The following FOXN3 variants were observed in gnomAD, a reference collection of about 807,000 sequenced individuals.
The protein encoded by FOXN3 is forkhead box protein N3.
Under a neutral mutation model 38.4 loss-of-function variants are expected in FOXN3, and 7 were observed. The ratio of observed to expected loss-of-function variants is 0.18; its 90% CI spans 0.10 to 0.34. The LOEUF is 0.34. Ranked by LOEUF, FOXN3 falls within the 10% of genes least tolerant of loss-of-function variation. The pLI, the probability that FOXN3 is intolerant of heterozygous loss-of-function variation, is 1.00. For missense variants in FOXN3, 456 were observed against 613.4 expected (o/e 0.74, Z 2.71); for synonymous variants, 230 against 242.2 (o/e 0.95, Z 0.47).
intron 3 of FOXN3, among the ~76,000 whole-genome samples, chr14:89,311,219 G>A (rs1887535927): frequency 1.3e-5 from 2 of 151,818 alleles, no homozygotes; most frequent in Admixed American, 1.3e-4. Context: ...GGCCGGTGCG[G>A]TGGCTCATAC....
chr14:89,226,107 TG>T (rs1299420652), intron 4 of FOXN3, among the ~76,000 whole-genome samples: 1 of 73,848 alleles, frequency 1.4e-5, no homozygotes, highest in Non-Finnish European at 2.5e-5. Context: ...TCCCAAGTGA[TG>T]GGGGCGGGGG....
chr14:89,329,077 A>G (rs375686019), intron 3 of FOXN3, among the ~76,000 whole-genome samples: 1 of 152,110 alleles, frequency 6.6e-6, no homozygotes. Context: ...AGTAGATGAT[A>G]TAAGAGAGGC....
chr14:89,495,980 T>C (rs889151094), intron 1 of FOXN3, among the ~76,000 whole-genome samples: 19 of 152,184 alleles, frequency 1.2e-4, no homozygotes, highest in African/African-American at 4.6e-4. Context: ...TTTAGGAGGC[T>C]GAAGCGGGTG....
chr14:89,180,399 T>C (rs535111280), intron 5 of FOXN3, among the ~76,000 whole-genome samples: 59 of 152,272 alleles, frequency 3.9e-4, no homozygotes, highest in African/African-American at 1.2e-3. Context: ...ATCCAATTAA[T>C]ATCCTGCCTT....
In FOXN3 at chr14:89,350,757, G is replaced by C. The variant is rs753743365; in HGVS notation, c.595C>G (p.Leu199Val). ...WCIDPEYRQN[L>V]IQALKKTPYH... ...GGTGTCTTTTTCAAAGCCTGAATTA[G>C]ATTTTGTCTATACTCTGGGTCTATG... is the stretch of plus-strand genomic sequence containing the variant. The change falls in exon 3 of 6, where the codon CTA (leucine) becomes GTA (valine). Residue 199 changes from leucine to valine, a missense_variant. Transcript: ENST00000557258. The C allele has an allele frequency of 1.9e-6, 3 of 1,604,742 alleles. No individual in the cohort carries two copies. The Admixed American group carries it at 5.2e-5, about 28-fold the overall frequency.
At chr14:89,238,539 C>T (rs1239472640) in intron 4 of FOXN3, among the ~76,000 whole-genome samples, 8 of 152,150 alleles carry the variant, frequency 5.3e-5, no homozygotes, top group African/African-American at 1.7e-4. Flanking sequence ...CGGCAGCCTA[C>T]GGGACACACA....
At chr14:89,296,813 C>A (rs142658803) in intron 3 of FOXN3, among the ~76,000 whole-genome samples, 1 of 152,046 alleles carries the variant, frequency 6.6e-6, no homozygotes, top group Non-Finnish European at 1.5e-5. Context: ...TTTTTGTATT[C>A]TTTAGTAGAG....
At chr14:89,560,144 G>A (rs935812570) in intron 1 of FOXN3, among the ~76,000 whole-genome samples, 1 of 152,144 alleles carries the variant, frequency 6.6e-6, no homozygotes, top group Admixed American at 6.5e-5. Flanking sequence ...AGAGAGAGAA[G>A]GGGGGAGTGC....
At chr14:89,434,488 T>G (rs1173493671) in intron 1 of FOXN3, among the ~76,000 whole-genome samples, 1 of 151,808 alleles carries the variant, frequency 6.6e-6, no homozygotes, top group Non-Finnish European at 1.5e-5. Context: ...CCTCGGACTC[T>G]CAAAGTGCTG....
intron 1 of FOXN3, among the ~76,000 whole-genome samples, chr14:89,597,062 T>G (rs544892277): frequency 6.6e-6 from 1 of 152,318 alleles, no homozygotes; most frequent in African/African-American, 2.4e-5. Context: ...TTAGGTTATT[T>G]TTAAACCTCT....
chr14:89,294,931 C>A (rs1218362508), intron 3 of FOXN3, among the ~76,000 whole-genome samples: 5 of 152,156 alleles, frequency 3.3e-5, no homozygotes, highest in Non-Finnish European at 7.4e-5. Flanking sequence ...GCCCTGAATT[C>A]TTTCTTGTTT....
At chr14:89,308,650 A>C (rs1887447343) in intron 3 of FOXN3, among the ~76,000 whole-genome samples, 1 of 152,178 alleles carries the variant, frequency 6.6e-6, no homozygotes, top group African/African-American at 2.4e-5. Context: ...AAAACATAGG[A>C]GTTCAAGTAA....
rs536527011 is a variant in FOXN3, at chr14:89,530,994, TATATA to T, written c.-15+88029_-15+88033del. Among the ~76,000 whole-genome samples the T allele has an allele frequency of 6.1e-5, 9 of 147,424 alleles. No homozygotes were observed. In the South Asian group the frequency reaches 1.9e-3, roughly 31 times the overall value. ...TAATATATACATATATATCTACACA[TATATA>T]ATATATATACATATAATATCTACAC... On this transcript the variant is annotated intron_variant, in intron 1 of 6. Transcript: ENST00000345097.
chr14:89,581,178 T>C (rs1273258852), intron 1 of FOXN3, among the ~76,000 whole-genome samples: 1 of 151,888 alleles, frequency 6.6e-6, no homozygotes, highest in Admixed American at 6.6e-5. Context: ...TGAGACCCTG[T>C]CTCAGAAACA....
intron 1 of FOXN3, among the ~76,000 whole-genome samples, chr14:89,510,341 A>C (rs1162110607): frequency 6.6e-6 from 1 of 152,222 alleles, no homozygotes; most frequent in African/African-American, 2.4e-5. Flanking sequence ...AAAACTCATA[A>C]GAGGGATTCT....
chr14:89,285,535 AAGAG>A (rs77422406), intron 3 of FOXN3, among the ~76,000 whole-genome samples: 2 of 149,666 alleles, frequency 1.3e-5, no homozygotes, highest in African/African-American at 5.1e-5. Context: ...AAAAAAAAAA[AAGAG>A]AGAGAGAAGA....
intron 1 of FOXN3, among the ~76,000 whole-genome samples, chr14:89,604,169 T>C (rs1020926460): frequency 6.0e-5 from 9 of 149,998 alleles, no homozygotes; most frequent in Admixed American, 2.0e-4. Flanking sequence ...GATAAAGAAT[T>C]CCCACTAATA....
At chr14:89,582,111 C>T (rs942140730) in intron 1 of FOXN3, among the ~76,000 whole-genome samples, 9 of 152,214 alleles carry the variant, frequency 5.9e-5, no homozygotes, top group African/African-American at 9.6e-5. Context: ...ATGTTCCCCA[C>T]GTTCTCCTCT....
At chr14:89,348,329 C>G (rs1888832078) in intron 3 of FOXN3, among the ~76,000 whole-genome samples, 1 of 152,100 alleles carries the variant, frequency 6.6e-6, no homozygotes, top group South Asian at 2.1e-4. Flanking sequence ...CTCGGTGTTT[C>G]ACTTCCATCT....
Sources: allele counts gnomAD v4.1 joint callset (sites outside exome capture counted in the v4.1 genomes callset), GRCh38; gene constraint gnomAD v4.1.1; transcripts MANE v1.5; gene names NCBI Gene and HGNC (gene_info 2026-07-23, HGNC 2026-07-21).